The following CDH13 variants were observed in gnomAD, a reference collection of about 807,000 sequenced individuals.
The protein encoded by CDH13 is cadherin 13.
A neutral mutation model predicts 63.8 loss-of-function variants in CDH13; 24 were observed. The ratio of observed to expected loss-of-function variants is 0.38; its 90% CI spans 0.27 to 0.53. The LOEUF (loss-of-function observed/expected upper bound fraction) is 0.53. Among genes scored for constraint, CDH13 ranks in the 20% least tolerant of loss-of-function variants. CDH13 has a pLI of 0.85. For missense variants in CDH13, 1,049 were observed against 903.1 expected, an observed-to-expected ratio of 1.16 and a Z score of -2.07; for synonymous variants, 503 against 355.3, an observed-to-expected ratio of 1.42 and a Z score of -4.67.
At chr16:82,855,607 G>C (rs1055223704) in intron 1 of CDH13, among the ~76,000 whole-genome samples, 1 of 152,168 alleles carries the variant, frequency 6.6e-6, no homozygotes, top group African/African-American at 2.4e-5. Context: ...TGTGCCACTT[G>C]GGATGCCAGC....
At chr16:83,112,693 A>C (rs2035115484) in intron 3 of CDH13, among the ~76,000 whole-genome samples, 1 of 152,196 alleles carries the variant, frequency 6.6e-6, no homozygotes. Flanking sequence ...TAGTTAAATT[A>C]CTTAGTCAAA....
At chr16:82,646,435 C>G (rs534578827) in intron 1 of CDH13, 24 of 152,318 alleles carry the variant, frequency 1.6e-4, no homozygotes, top group African/African-American at 5.3e-4. Flanking sequence ...CTCAAGTGAT[C>G]TGCTCGCCTC....
At chr16:83,102,253 G>A (rs1158207965) in intron 3 of CDH13, among the ~76,000 whole-genome samples, 2 of 152,176 alleles carry the variant, frequency 1.3e-5, no homozygotes, top group South Asian at 2.1e-4. Context: ...TGGGACATTC[G>A]ACCCCAGAAA....
At position 82,755,792 on chromosome 16, in the gene CDH13, T is replaced by C. The variant is rs150860994; in HGVS notation, c.46-102570T>C. ...ACCACTAGGTGGTATGTCCATTCTT[T>C]GGCCTTACTGGGGATTTAGGCATTT... On this transcript the variant is annotated intron_variant, in intron 1 of 13. Transcript: ENST00000567109. Among the ~76,000 whole-genome samples, 1,256 of 152,376 alleles carry C rather than the reference T, an allele frequency of 8.2e-3. 22 individuals carry two copies. The highest frequency in any genetic ancestry group is 0.034 in the Middle Eastern group (10 of 294).
chr16:83,339,410 G>A (rs1002528924), intron 5 of CDH13, among the ~76,000 whole-genome samples: 3 of 152,020 alleles, frequency 2.0e-5, no homozygotes, highest in African/African-American at 7.3e-5. Context: ...GCCCTCTCTA[G>A]GAAAGGATAA....
chr16:83,101,859 G>C (rs192883765), intron 3 of CDH13, among the ~76,000 whole-genome samples: 7 of 152,284 alleles, frequency 4.6e-5, no homozygotes, highest in African/African-American at 1.7e-4. Flanking sequence ...GTGAGGAAAG[G>C]TCTGAGGAAA....
intron 7 of CDH13, among the ~76,000 whole-genome samples, chr16:83,571,905 C>T (rs1451811109): frequency 1.3e-5 from 2 of 152,142 alleles, no homozygotes; most frequent in Admixed American, 6.5e-5. Context: ...TTAGCAGTCG[C>T]TCTGCATGGG....
chr16:83,635,575 C>G (rs1029299882), intron 8 of CDH13, among the ~76,000 whole-genome samples: 2 of 152,030 alleles, frequency 1.3e-5, no homozygotes, highest in African/African-American at 4.8e-5. Context: ...AACTCCTGAC[C>G]TCGTGATCTG....
chr16:82,660,990 C>G (rs756207641), intron 1 of CDH13, among the ~76,000 whole-genome samples: 1 of 152,092 alleles, frequency 6.6e-6, no homozygotes, highest in Non-Finnish European at 1.5e-5. Context: ...AACCAAACAC[C>G]CACCACCTTC....
intron 6 of CDH13, among the ~76,000 whole-genome samples, chr16:83,363,956 C>A (rs1200924333): frequency 6.6e-6 from 1 of 152,094 alleles, no homozygotes; most frequent in Admixed American, 6.5e-5. Flanking sequence ...AGTTTGTGAG[C>A]AATTTTGGGA....
chr16:82,656,067 AT>A (rs1206202610), intron 1 of CDH13, among the ~76,000 whole-genome samples: 5 of 152,198 alleles, frequency 3.3e-5, no homozygotes, highest in Non-Finnish European at 7.3e-5. Flanking sequence ...AGGAACTCTG[AT>A]TTCGATTTGG....
chr16:83,548,575 A>G (rs1397662708), intron 7 of CDH13, among the ~76,000 whole-genome samples: 1 of 152,120 alleles, frequency 6.6e-6, no homozygotes. Context: ...CCATTCTCTG[A>G]GATATTGGGA....
chr16:82,630,902 G>GAA (rs1907926717), intron 1 of CDH13, among the ~76,000 whole-genome samples: 1 of 152,142 alleles, frequency 6.6e-6, no homozygotes, highest in African/African-American at 2.4e-5. Flanking sequence ...CTCCAGAAGA[G>GAA]GGCTCCATCC....
intron 10 of CDH13, among the ~76,000 whole-genome samples, chr16:83,742,560 G>A (rs1390270072): frequency 6.6e-6 from 1 of 152,150 alleles, no homozygotes; most frequent in East Asian, 1.9e-4. Flanking sequence ...TTTTTACACT[G>A]AAAGGTTTAT....
In CDH13 at chr16:82,832,673, AG is replaced by A. The variant is rs1567580920; in HGVS notation, c.46-25688del. Among the ~76,000 whole-genome samples the A allele has an allele frequency of 8.9e-4, 136 of 152,306 alleles. 1 individual carries two copies. Among genetic ancestry groups the A allele is most frequent in the African/African-American group, 3.1e-3 (130 of 41,564 alleles). On this transcript the variant is annotated intron_variant, in intron 1 of 13. Coordinates refer to ENST00000567109, the MANE Select transcript of CDH13 (RefSeq NM_001257.5). ...CCCAAAATGAAACAAAACAAAATAT[AG>A]CAACGATATGAAATTGTTTCAGTAA...
chr16:82,936,765 A>G (rs1188938975), intron 2 of CDH13, among the ~76,000 whole-genome samples: 2 of 152,208 alleles, frequency 1.3e-5, no homozygotes, highest in Admixed American at 6.5e-5. Context: ...AATCAACTCT[A>G]CTTGAGTGCA....
At chr16:82,631,462 A>G (rs1462415273) in intron 1 of CDH13, among the ~76,000 whole-genome samples, 1 of 152,250 alleles carries the variant, frequency 6.6e-6, no homozygotes, top group African/African-American at 2.4e-5. Flanking sequence ...TCCAATTACA[A>G]TAATCAGCTG....
chr16:83,791,064 TC>T, intron 13 of CDH13, among the ~76,000 whole-genome samples: 1 of 151,768 alleles, frequency 6.6e-6, no homozygotes, highest in South Asian at 2.1e-4. Flanking sequence ...ATGCCTGTAA[TC>T]CCAGCACTTT....
intron 10 of CDH13, among the ~76,000 whole-genome samples, chr16:83,692,429 A>G (rs1272327943): frequency 2.0e-5 from 3 of 152,140 alleles, no homozygotes; most frequent in African/African-American, 7.2e-5. Context: ...GATGACAGGG[A>G]TGGCTTTGCC....
Sources: gnomAD v4.1 joint callset for allele counts (sites outside exome capture counted in the v4.1 genomes callset) on GRCh38, gnomAD v4.1.1 for gene constraint, MANE v1.5 for transcripts, NCBI Gene and HGNC (gene_info 2026-07-23, HGNC 2026-07-21) for gene names.